Variants in TRMU observed in about 807,000 individuals in gnomAD.
TRMU encodes mitochondrial tRNA-specific 2-thiouridylase 1.
In TRMU, 49 loss-of-function variants were observed where a neutral mutation model predicts 46.9. That is an observed-to-expected ratio of 1.05 (90% CI 0.83 to 1.33). The LOEUF (loss-of-function observed/expected upper bound fraction) is 1.33. Ranked by LOEUF, TRMU falls within the 40% of genes most tolerant of loss-of-function variation. The pLI is 0.00. For synonymous variants in TRMU, 241 were observed against 200.9 expected (o/e 1.20, Z -1.69); for missense variants, 572 against 532.4 (o/e 1.07, Z -0.73).
chr22:46,342,240 A>G lies in TRMU; in HGVS notation c.249-1022A>G, dbSNP rs2078140777. 6.6e-6 allele frequency among the ~76,000 whole-genome samples: 1 copy of G among 152,224 alleles called. No individual in the cohort carries two copies. On this transcript the variant is annotated intron_variant, in intron 2 of 10. Transcript: ENST00000645190. The surrounding 1 kb of genome is among the most constrained non-coding windows in gnomAD (Gnocchi z 4.7). ...TCCCATAACTTCCTCTTTGGGTTCA[A>G]TTATTAATAATTTGCTGGAGTGGTT...
rs570222320 is a variant in TRMU at position 46,355,733 on chromosome 22, C to T, written c.1018+145C>T. ...GATTACCTAAAGTATTTAGAACTCC[C>T]GTGTCCTGTGCCTGCCCTGAGCGAG... On this transcript the variant is annotated intron_variant, in intron 9 of 10. Transcript: ENST00000645190. 3.8e-5 allele frequency: 53 copies of T among 1,396,286 alleles called. No homozygotes were observed. In the East Asian group the frequency reaches 9.4e-4, roughly 25 times the overall value. 86.5% of individuals were successfully genotyped at this position (1,396,286 alleles called of 1,614,324 possible). A position where few individuals can be genotyped will look rare whatever the true frequency, so the allele number is the denominator to read the frequency against.
chr22:46,352,244 A>T lies in TRMU; in HGVS notation c.706-20A>T. The T allele has an allele frequency of 3.1e-6, 5 of 1,614,160 alleles. No individual in the cohort carries two copies. The highest frequency in any genetic ancestry group is 4.2e-6 in the Non-Finnish European group (5 of 1,180,024). ...CCCTGGGCCTAGATCTCCGTCGGTAATGACATGTTTGTTTTCCAGTATCTG... is the reference window on the plus strand; with the variant it reads ...CCCTGGGCCTAGATCTCCGTCGGTATTGACATGTTTGTTTTCCAGTATCTG... On this transcript the variant is annotated intron_variant, in intron 6 of 10. Coordinates refer to ENST00000645190, the MANE Select transcript of TRMU (RefSeq NM_018006.5).
Position 46,355,608 on chromosome 22 carries a change from C to T in TRMU, c.1018+20C>T. ...CACTAGGTGACTGACGGGAGGGCTC[C>T]TGAGGACGGGCCCCTTGAAGCTGAG... On this transcript the variant is annotated intron_variant, in intron 9 of 10. Transcript: ENST00000645190. The T allele has an allele frequency of 6.2e-7, 1 of 1,613,240 alleles. No homozygotes were observed. The highest frequency in any genetic ancestry group is 8.5e-7 in the Non-Finnish European group (1 of 1,180,016).
intron 10 of TRMU, 103 bp downstream of exon 10, chr22:46,356,175 G>C: frequency 7.4e-7 from 1 of 1,346,144 alleles, no homozygotes; most frequent in Non-Finnish European, 1.0e-6. Context: ...GGAGTAGGGT[G>C]TGCTCGGGTC....
rs552239864 is a variant in TRMU, at chr22:46,349,935, C to G, written c.479-356C>G. ...TATCAGTGGAATTTTCTGCCAGCAA[C>G]TAGCTTACTCCATTTTCCAAGATTT... On this transcript the variant is annotated intron_variant, in intron 4 of 10. Transcript: ENST00000645190. This position sits in a 1 kb window ranked among gnomAD's most constrained non-coding sequence, Gnocchi z 4.6. Among the ~76,000 whole-genome samples, 1 of 151,666 alleles carries G rather than the reference C, an allele frequency of 6.6e-6. No individual in the cohort carries two copies. Among genetic ancestry groups the G allele is most frequent in the Non-Finnish European group, 1.5e-5 (1 of 67,982 alleles).
chr22:46,351,987 G>T lies in TRMU; in HGVS notation c.652-134G>T. On this transcript the variant is annotated intron_variant, in intron 5 of 10. Transcript: ENST00000645190. This position sits in a 1 kb window ranked among gnomAD's most constrained non-coding sequence, Gnocchi z 6.4. ...GACTGGCGGCCGAGGGTGCCGGTGG[G>T]CAGCCGGGCCCCTACCCTGGAAGCA... is the stretch of plus-strand genomic sequence containing the variant. The T allele has an allele frequency of 1.0e-6, 1 of 970,804 alleles. No individual in the cohort carries two copies. Among genetic ancestry groups the T allele is most frequent in the Non-Finnish European group, 1.7e-6 (1 of 605,764 alleles). The allele number at this position is 970,804 out of a possible 1,614,324, so 60.1% of individuals were successfully genotyped here. A position where few individuals can be genotyped will look rare whatever the true frequency, so the allele number is the denominator to read the frequency against.
intron 4 of TRMU, 111 bp downstream of exon 4, chr22:46,346,655 C>A: frequency 7.6e-7 from 1 of 1,311,658 alleles, no homozygotes; most frequent in Non-Finnish European, 1.1e-6. Context: ...CCTCTGTGCT[C>A]CAGAGTAGCT....
At chr22:46,345,855 C>T (rs2078242256) in intron 3 of TRMU, among the ~76,000 whole-genome samples, 1 of 151,778 alleles carries the variant, frequency 6.6e-6, no homozygotes. Context: ...GCAGCCTCAA[C>T]CTCCCAGGTT....
chr22:46,346,498 TAAG>T lies in TRMU; in HGVS notation c.436_438del (p.Lys146del), dbSNP rs1389628206. The T allele has an allele frequency of 1.2e-6, 2 of 1,613,464 alleles. No homozygotes were observed. Among genetic ancestry groups the T allele is most frequent in the East Asian group, 2.2e-5 (1 of 44,870 alleles). ...AAGAAGTCTTTGAGCAGAAGCACGT[TAAG>T]AAGCCCGAAGGGCTTTTCAGAAATC... On this transcript the variant is annotated inframe_deletion, in exon 4 of 11. Coordinates refer to ENST00000645190, the MANE Select transcript of TRMU (RefSeq NM_018006.5).
chr22:46,340,005 C>A (rs1163942525), intron 2 of TRMU, among the ~76,000 whole-genome samples: 1 of 151,402 alleles, frequency 6.6e-6, no homozygotes, highest in Non-Finnish European at 1.5e-5. Flanking sequence ...CAGAGAGTCT[C>A]AGGAAGTGCT....
chr22:46,335,880 C>T lies in TRMU; in HGVS notation c.82+34C>T, dbSNP rs1011269213. On this transcript the variant is annotated intron_variant, in intron 1 of 10. Transcript: ENST00000645190. Reference sequence around the variant, plus strand: ...TCCGAGGCTCCCGCCCCCCGCCGAGCGAATGTGTCCCCGGAAACCTGTCCC... The same window carrying T: ...TCCGAGGCTCCCGCCCCCCGCCGAGTGAATGTGTCCCCGGAAACCTGTCCC... 2.0e-6 allele frequency: 3 copies of T among 1,531,744 alleles called. No individual in the cohort carries two copies. In the African/African-American group the frequency reaches 4.2e-5, roughly 21 times the overall value. The allele number at this position is 1,531,744 out of a possible 1,614,324, so 94.9% of individuals were successfully genotyped here.
chr22:46,345,844 T>G (rs1382413818), intron 3 of TRMU, among the ~76,000 whole-genome samples: 1 of 151,858 alleles, frequency 6.6e-6, no homozygotes, highest in Admixed American at 6.6e-5. Context: ...CTTGGCTTCC[T>G]GCAGCCTCAA....
In TRMU at chr22:46,337,998, G is replaced by C. The variant is rs115798137; in HGVS notation, c.248+54G>C. The C allele has an allele frequency of 5.9e-4, 955 of 1,606,202 alleles. 11 individuals carry two copies. In the African/African-American group the frequency reaches 0.012, roughly 20 times the overall value. Reference sequence around the variant, plus strand: ...CTTCCTCACACTGTGGATCCTTGCAGTGGAAGGATCCGGTAACCAGCCAGA... The same window carrying C: ...CTTCCTCACACTGTGGATCCTTGCACTGGAAGGATCCGGTAACCAGCCAGA... On this transcript the variant is annotated intron_variant, in intron 2 of 10. Transcript: ENST00000645190.
intron 7 of TRMU, 35 bp from the exon 8 acceptor site, chr22:46,353,732 T>A: frequency 5.0e-6 from 8 of 1,600,830 alleles, no homozygotes; most frequent in Non-Finnish European, 6.8e-6. Flanking sequence ...CTGTAACTTG[T>A]TGCCCAGCCT....
At position 46,339,575 on chromosome 22, in the gene TRMU, C is replaced by T. The variant is rs1325726199; in HGVS notation, c.248+1631C>T. Among the ~76,000 whole-genome samples the T allele has an allele frequency of 6.6e-6, 1 of 152,198 alleles. No individual in the cohort carries two copies. Among genetic ancestry groups the T allele is most frequent in the Non-Finnish European group, 1.5e-5 (1 of 68,040 alleles). ...AAAGACTACACATCGGGTACAATGTCCACTGCTTGGGTGACGGGTACACCA... is the reference window on the plus strand; with the variant it reads ...AAAGACTACACATCGGGTACAATGTTCACTGCTTGGGTGACGGGTACACCA... On this transcript the variant is annotated intron_variant, in intron 2 of 10. Coordinates refer to ENST00000645190, the MANE Select transcript of TRMU (RefSeq NM_018006.5). This position sits in a 1 kb window ranked among gnomAD's most constrained non-coding sequence, Gnocchi z 4.8.
rs542744986 is a variant in TRMU, at chr22:46,357,155, G to A, written c.*149G>A. 110 of 1,075,144 alleles carry A rather than the reference G, an allele frequency of 1.0e-4. 1 individual carries two copies. In the East Asian group the frequency reaches 1.9e-3, roughly 18 times the overall value. 66.6% of individuals were successfully genotyped at this position (1,075,144 alleles called of 1,614,324 possible). On this transcript the variant is annotated 3_prime_UTR_variant, in exon 11 of 11. Coordinates refer to ENST00000645190, the MANE Select transcript of TRMU (RefSeq NM_018006.5). ...GGGTCCGAAAAGCCTGCAGGGGCCC[G>A]GCGAGCCCCAGGAAGAGCCTCAGCT...
chr22:46,355,006 T>G, intron 8 of TRMU: 7 of 234,710 alleles, frequency 3.0e-5, no homozygotes, highest in Non-Finnish European at 3.4e-5. Flanking sequence ...TCCTCAGCCA[T>G]TTGGTGTGTG....
rs1022963839 is a variant in TRMU at position 46,351,726 on chromosome 22, T to G, written c.652-395T>G. 9 of 344,408 alleles carry G rather than the reference T, an allele frequency of 2.6e-5. No homozygotes were observed. Among genetic ancestry groups the G allele is most frequent in the Middle Eastern group, 2.0e-3 (2 of 990 alleles). The allele number at this position is 344,408 out of a possible 1,614,324, so 21.3% of individuals were successfully genotyped here. A position where few individuals can be genotyped will look rare whatever the true frequency, so the allele number is the denominator to read the frequency against. ...GAGGAAGGCGCCTCTCTCCTCTGACTCCCCTGGAGCCCTCCCCTAAGGCCT... is the reference window on the plus strand; with the variant it reads ...GAGGAAGGCGCCTCTCTCCTCTGACGCCCCTGGAGCCCTCCCCTAAGGCCT... On this transcript the variant is annotated intron_variant, in intron 5 of 10. Coordinates refer to ENST00000645190, the MANE Select transcript of TRMU (RefSeq NM_018006.5). The surrounding 1 kb of genome is among the most constrained non-coding windows in gnomAD (Gnocchi z 6.4).
intron 7 of TRMU, chr22:46,352,655 A>G (rs983889783): frequency 4.7e-6 from 2 of 429,632 alleles, no homozygotes; most frequent in Non-Finnish European, 8.7e-6. Context: ...AAAATGTTAA[A>G]CTACACAAAA....
Sources: allele counts gnomAD v4.1 joint callset (sites outside exome capture counted in the v4.1 genomes callset), GRCh38; gene constraint gnomAD v4.1.1; non-coding constraint Gnocchi (gnomAD v3.1); transcripts MANE v1.5; gene names NCBI Gene and HGNC (gene_info 2026-07-23, HGNC 2026-07-21).